The following TTLL7 variants were observed in gnomAD, a reference collection of about 807,000 sequenced individuals.
TTLL7 encodes the protein tubulin tyrosine ligase like 7.
In TTLL7, 53 loss-of-function variants were observed where a neutral mutation model predicts 120.2. The observed-to-expected ratio is 0.44, with a 90% CI of 0.35 to 0.55. The LOEUF (loss-of-function observed/expected upper bound fraction) is 0.55, where lower values mean the gene tolerates loss of function less well. Among genes scored for constraint, TTLL7 ranks in the 20% least tolerant of loss-of-function variants. TTLL7 has a pLI of 0.00. For missense variants in TTLL7, 803 were observed against 1,054.7 expected, an observed-to-expected ratio of 0.76 and a Z score of 3.31; for synonymous variants, 353 against 351.7, an observed-to-expected ratio of 1.00 and a Z score of -0.04.
chr1:83,936,781 T>C (rs1001324070), intron 8 of TTLL7, among the ~76,000 whole-genome samples: 1 of 49,236 alleles, frequency 2.0e-5, no homozygotes, highest in Non-Finnish European at 4.4e-5. Flanking sequence ...CATTTACATA[T>C]AATTTATCAA....
At chr1:83,928,626 T>G (rs1287896997) in intron 10 of TTLL7, among the ~76,000 whole-genome samples, 2 of 152,146 alleles carry the variant, frequency 1.3e-5, no homozygotes, top group African/African-American at 2.4e-5. Flanking sequence ...TCTTTTTTAT[T>G]TACATGGGGA....
At chr1:83,978,558 C>T (rs1651695118) in intron 1 of TTLL7, among the ~76,000 whole-genome samples, 1 of 152,094 alleles carries the variant, frequency 6.6e-6, no homozygotes, top group Admixed American at 6.5e-5. Flanking sequence ...AACTACAAAT[C>T]TCAACCATGA....
chr1:83,968,156 TA>T (rs1202462564), intron 1 of TTLL7, among the ~76,000 whole-genome samples: 2 of 151,976 alleles, frequency 1.3e-5, no homozygotes, highest in Non-Finnish European at 2.9e-5. Flanking sequence ...CATGGGCTTA[TA>T]AAAACAATAA....
rs532633309 is a variant in TTLL7, at chr1:83,996,652, C to T, written c.-177+2279G>A. ...TTCTAAGTTATTTGTTAATTACTCA[C>T]GTGTAAGTAAAATTTCCCCTGCTAG... On this transcript the variant is annotated intron_variant, in intron 1 of 20. Coordinates refer to ENST00000260505, the MANE Select transcript of TTLL7 (RefSeq NM_024686.6). 4.6e-5 allele frequency among the ~76,000 whole-genome samples: 7 copies of T among 152,264 alleles called. No individual in the cohort carries two copies. The South Asian group carries it at 6.2e-4, about 14-fold the overall frequency.
chr1:83,910,375 T>C (rs1657574414), intron 15 of TTLL7, among the ~76,000 whole-genome samples: 1 of 152,076 alleles, frequency 6.6e-6, no homozygotes, highest in African/African-American at 2.4e-5. Flanking sequence ...AGACAAGTGT[T>C]CAGAAAAGTC....
At chr1:83,970,370 G>A (rs1046733505) in intron 1 of TTLL7, among the ~76,000 whole-genome samples, 1 of 152,094 alleles carries the variant, frequency 6.6e-6, no homozygotes, top group African/African-American at 2.4e-5. Flanking sequence ...ATATTTGTAT[G>A]AGGTGCTATT....
At chr1:83,937,306 C>T (rs554639534) in intron 8 of TTLL7, among the ~76,000 whole-genome samples, 20 of 151,918 alleles carry the variant, frequency 1.3e-4, no homozygotes, top group African/African-American at 4.6e-4. Flanking sequence ...TGGGTTCAAG[C>T]AATTCTTCTG....
intron 14 of TTLL7, among the ~76,000 whole-genome samples, chr1:83,914,323 C>CTCT (rs1657921109): frequency 3.8e-5 from 3 of 78,244 alleles, no homozygotes; most frequent in African/African-American, 5.1e-5. Flanking sequence ...CTCTCTCTCT[C>CTCT]TTTTTTTTTT....
At chr1:83,975,501 AC>A (rs547424774) in intron 1 of TTLL7, among the ~76,000 whole-genome samples, 128 of 152,176 alleles carry the variant, frequency 8.4e-4, no homozygotes, top group Non-Finnish European at 1.3e-3. Flanking sequence ...ACCTTTGTAA[AC>A]AGATGTGTTA....
rs1321979473 is a variant in TTLL7 at position 83,972,054 on chromosome 1, A to C, written c.-176-19667T>G. 2.0e-5 allele frequency among the ~76,000 whole-genome samples: 3 copies of C among 151,950 alleles called. No homozygotes were observed. The South Asian group carries it at 6.2e-4, about 32-fold the overall frequency. On this transcript the variant is annotated intron_variant, in intron 1 of 20. Transcript: ENST00000260505. ...ACATACACACATACCCTCCCCCATT[A>C]TCAACATCCACCACCAGAGTGATAC...
chr1:83,992,276 C>A (rs1653070749), intron 1 of TTLL7, among the ~76,000 whole-genome samples: 1 of 151,912 alleles, frequency 6.6e-6, no homozygotes, highest in Admixed American at 6.6e-5. Context: ...ATTATTGTGG[C>A]AAGTTCCAGA....
At chr1:83,895,273 G>C (rs1259974324) in intron 18 of TTLL7, among the ~76,000 whole-genome samples, 1 of 152,166 alleles carries the variant, frequency 6.6e-6, no homozygotes, top group South Asian at 2.1e-4. Flanking sequence ...CTATCATTTA[G>C]TAGGTTCCTG....
chr1:83,929,972 G>A (rs114236061), intron 9 of TTLL7, among the ~76,000 whole-genome samples: 1 of 151,972 alleles, frequency 6.6e-6, no homozygotes, highest in Non-Finnish European at 1.5e-5. Flanking sequence ...CACCACAAGA[G>A]ACAAAACAAT....
chr1:83,942,444 T>C lies in TTLL7; in HGVS notation c.723+19A>G. ...TTGACAAATGAATGAAAAGATAAGC[T>C]CTGTCTGGTATCACTTACCAAATTG... On this transcript the variant is annotated intron_variant, in intron 7 of 20. Coordinates refer to ENST00000260505, the MANE Select transcript of TTLL7 (RefSeq NM_024686.6). The C allele has an allele frequency of 6.4e-7, 1 of 1,571,662 alleles. No individual in the cohort carries two copies. The highest frequency in any genetic ancestry group is 8.8e-7 in the Non-Finnish European group (1 of 1,142,006).
At chr1:83,873,672 G>C (rs545058016) in intron 20 of TTLL7, among the ~76,000 whole-genome samples, 3 of 152,194 alleles carry the variant, frequency 2.0e-5, no homozygotes, top group Non-Finnish European at 4.4e-5. Flanking sequence ...ATTATATTAA[G>C]TACAAACATA....
At chr1:83,880,407 T>A (rs1413321082) in intron 20 of TTLL7, 2 of 151,998 alleles carry the variant, frequency 1.3e-5, no homozygotes, top group Non-Finnish European at 2.9e-5. Context: ...AATATTTCTC[T>A]TAATACTTTC....
Position 83,906,437 on chromosome 1 carries a change from T to G in TTLL7, c.2019A>C (p.Thr673=), listed in dbSNP as rs769621916. The change falls in exon 17 of 21, where the codon ACA becomes ACC. Residue 673 remains threonine (T), a synonymous_variant. Transcript: ENST00000260505. ...TTGTTAGATCATCTTCTTGTTCTTT[T>G]GTTTTCAGTTGCCGCAAAGACTCAC... The part of the protein sequence containing the change: ...QVSESLRQLK[T]KEQEDDLTSQ... 1.1e-5 allele frequency: 17 copies of G among 1,612,232 alleles called. No individual in the cohort carries two copies. The highest frequency in any genetic ancestry group is 1.4e-5 in the Non-Finnish European group (16 of 1,178,896).
intron 20 of TTLL7, among the ~76,000 whole-genome samples, chr1:83,872,628 T>G (rs1424673952): frequency 6.6e-6 from 1 of 152,234 alleles, no homozygotes; most frequent in Non-Finnish European, 1.5e-5. Context: ...AAGTAATAGT[T>G]ACTATTGACA....
At chr1:83,878,403 T>C (rs1654137590) in intron 20 of TTLL7, among the ~76,000 whole-genome samples, 1 of 151,978 alleles carries the variant, frequency 6.6e-6, no homozygotes, top group South Asian at 2.1e-4. Context: ...ATTTATTTCC[T>C]TTTTGTTTCT....
Sources: gnomAD v4.1 joint callset for allele counts (sites outside exome capture counted in the v4.1 genomes callset) on GRCh38, gnomAD v4.1.1 for gene constraint, MANE v1.5 for transcripts, NCBI Gene and HGNC (gene_info 2026-07-23, HGNC 2026-07-21) for gene names.